PHACTR4: variants seen among roughly 807,000 people sequenced by gnomAD.
The protein encoded by PHACTR4 is phosphatase and actin regulator 4.
In PHACTR4, 51 loss-of-function variants were observed where a neutral mutation model predicts 72.7. That is an observed-to-expected ratio of 0.70 (90% CI 0.56 to 0.89). The LOEUF (loss-of-function observed/expected upper bound fraction) is 0.89, where lower values mean the gene tolerates loss of function less well. PHACTR4 is among the 40% of genes least tolerant of loss of function. The pLI, the probability that PHACTR4 is intolerant of heterozygous loss-of-function variation, is 0.00. For missense variants in PHACTR4, 731 were observed against 861.8 expected, an observed-to-expected ratio of 0.85 and a Z score of 1.90; for synonymous variants, 255 against 302.5, an observed-to-expected ratio of 0.84 and a Z score of 1.63.
At chr1:28,393,579 G>A (rs1321566343) in intron 1 of PHACTR4, among the ~76,000 whole-genome samples, 2 of 151,946 alleles carry the variant, frequency 1.3e-5, no homozygotes, top group African/African-American at 4.8e-5. Context: ...TAAAACTATA[G>A]CACATACAAT....
chr1:28,426,482 C>G (rs1655855651), intron 2 of PHACTR4, among the ~76,000 whole-genome samples: 1 of 151,846 alleles, frequency 6.6e-6, no homozygotes, highest in African/African-American at 2.4e-5. Flanking sequence ...ACAGTGAAAC[C>G]CCATCTCTAC....
chr1:28,444,214 CTTTTTTT>C (rs746642128), intron 2 of PHACTR4, among the ~76,000 whole-genome samples: 4 of 41,106 alleles, frequency 9.7e-5, no homozygotes, highest in East Asian at 5.2e-4. Context: ...ATATATTTGG[CTTTTTTT>C]TTTTTTTTTT....
At chr1:28,448,469 G>T (rs1343379749) in intron 2 of PHACTR4, among the ~76,000 whole-genome samples, 5 of 151,286 alleles carry the variant, frequency 3.3e-5, no homozygotes, top group Non-Finnish European at 5.9e-5. Flanking sequence ...ACCTGATAAG[G>T]TGGCCGGGCG....
At chr1:28,448,827 A>G (rs1657712043) in intron 2 of PHACTR4, among the ~76,000 whole-genome samples, 1 of 134,344 alleles carries the variant, frequency 7.4e-6, no homozygotes, top group South Asian at 2.4e-4. Flanking sequence ...ATACAGATCC[A>G]ATAACTTTGT....
chr1:28,419,755 TCTTAAATA>T (rs1044086566), intron 2 of PHACTR4, among the ~76,000 whole-genome samples: 1 of 152,224 alleles, frequency 6.6e-6, no homozygotes, highest in African/African-American at 2.4e-5. Flanking sequence ...GTATTTTTAT[TCTTAAATA>T]CTTAAATAAT....
At chr1:28,371,910 A>G (rs1277234166) in intron 1 of PHACTR4, among the ~76,000 whole-genome samples, 6 of 151,748 alleles carry the variant, frequency 4.0e-5, no homozygotes, top group South Asian at 2.1e-4. Context: ...TTTGAGATAG[A>G]GTCTTGCTCT....
chr1:28,405,242 G>A (rs185470893), intron 1 of PHACTR4, among the ~76,000 whole-genome samples: 4 of 152,192 alleles, frequency 2.6e-5, no homozygotes, highest in Admixed American at 6.6e-5. Context: ...TTATCAGATA[G>A]ATGATTTGCA....
intron 2 of PHACTR4, among the ~76,000 whole-genome samples, chr1:28,425,718 G>A (rs1180622092): frequency 6.6e-6 from 1 of 152,140 alleles, no homozygotes; most frequent in Admixed American, 6.5e-5. Flanking sequence ...TAATATTCAG[G>A]TTTCTTTCTC....
At chr1:28,480,715 G>A (rs1660227254) in intron 9 of PHACTR4, 111 bp downstream of exon 9, 4 of 1,420,960 alleles carry the variant, frequency 2.8e-6, no homozygotes, top group Non-Finnish European at 3.9e-6. Context: ...TTCTGAGACA[G>A]GGTCTTGCTC....
At chr1:28,457,652 G>T (rs1217244972) in intron 2 of PHACTR4, among the ~76,000 whole-genome samples, 1 of 151,790 alleles carries the variant, frequency 6.6e-6, no homozygotes. Flanking sequence ...AGATGTTTTA[G>T]TGACTATTAT....
intron 9 of PHACTR4, among the ~76,000 whole-genome samples, chr1:28,484,377 C>T (rs1449863116): frequency 1.3e-5 from 2 of 151,882 alleles, no homozygotes; most frequent in African/African-American, 4.8e-5. Flanking sequence ...GTCCTAGCTA[C>T]GTGGGAGGCT....
chr1:28,455,257 G>T (rs1658308227), intron 2 of PHACTR4, among the ~76,000 whole-genome samples: 1 of 129,294 alleles, frequency 7.7e-6, no homozygotes, highest in East Asian at 2.2e-4. Flanking sequence ...GGAGTGCAGT[G>T]ATGTGATCTT....
At chr1:28,443,614 GT>G (rs1283606901) in intron 2 of PHACTR4, among the ~76,000 whole-genome samples, 1 of 151,376 alleles carries the variant, frequency 6.6e-6, no homozygotes, top group African/African-American at 2.4e-5. Context: ...CACCTGGCTA[GT>G]TTTTTTTATT....
chr1:28,462,839 G>C (rs1658911424), intron 4 of PHACTR4, among the ~76,000 whole-genome samples: 1 of 152,154 alleles, frequency 6.6e-6, no homozygotes, highest in Non-Finnish European at 1.5e-5. Context: ...CCTCATGCTG[G>C]CTTATAGATC....
At chr1:28,419,446 TA>T (rs1372798583) in intron 2 of PHACTR4, among the ~76,000 whole-genome samples, 3 of 151,974 alleles carry the variant, frequency 2.0e-5, no homozygotes, top group Admixed American at 1.3e-4. Context: ...GTATATAGTG[TA>T]AAAAACATAT....
chr1:28,430,602 T>C (rs962924477), intron 2 of PHACTR4, among the ~76,000 whole-genome samples: 1 of 152,136 alleles, frequency 6.6e-6, no homozygotes, highest in African/African-American at 2.4e-5. Flanking sequence ...GGTTGAAAAT[T>C]AGTCTTTGAT....
intron 1 of PHACTR4, among the ~76,000 whole-genome samples, chr1:28,394,519 G>C (rs1449219529): frequency 6.6e-6 from 1 of 151,898 alleles, no homozygotes; most frequent in East Asian, 1.9e-4. Flanking sequence ...TCAAGCTCCT[G>C]GCCTCAAGTG....
intron 9 of PHACTR4, among the ~76,000 whole-genome samples, chr1:28,485,974 T>C (rs1660618168): frequency 6.6e-6 from 1 of 152,004 alleles, no homozygotes; most frequent in Non-Finnish European, 1.5e-5. Flanking sequence ...GTAAGTGTTA[T>C]CACTATAAAA....
intron 2 of PHACTR4, chr1:28,453,899 A>G (rs983775925): frequency 3.7e-6 from 3 of 815,138 alleles, no homozygotes; most frequent in Admixed American, 3.7e-5. Context: ...AGGACCCTGG[A>G]TGTAATTCAG....
Sources: gnomAD v4.1 joint callset for allele counts (sites outside exome capture counted in the v4.1 genomes callset) on GRCh38, gnomAD v4.1.1 for gene constraint, MANE v1.5 for transcripts, NCBI Gene and HGNC (gene_info 2026-07-23, HGNC 2026-07-21) for gene names.